WDR47: variants seen among roughly 807,000 people sequenced by gnomAD.
WDR47 encodes the protein WD repeat domain 47.
Under a neutral mutation model 97.2 loss-of-function variants are expected in WDR47, and 32 were observed. The ratio of observed to expected loss-of-function variants is 0.33; its 90% CI spans 0.25 to 0.44. The LOEUF (loss-of-function observed/expected upper bound fraction) is 0.44, where lower values mean the gene tolerates loss of function less well. Among genes scored for constraint, WDR47 ranks in the 20% least tolerant of loss-of-function variants. The pLI is 1.00. For synonymous variants in WDR47, 375 were observed against 373.5 expected, an observed-to-expected ratio of 1.00 and a Z score of -0.05; for missense variants, 782 against 1,102.3, an observed-to-expected ratio of 0.71 and a Z score of 4.11.
chr1:109,024,715 G>A (rs1241272033), intron 1 of WDR47: 1 of 152,430 alleles, frequency 6.6e-6, no homozygotes, highest in South Asian at 2.1e-4. Flanking sequence ...TCAGAGCAAT[G>A]CAAAATACCA....
intron 1 of WDR47, among the ~76,000 whole-genome samples, chr1:109,038,671 C>T (rs1470582470): frequency 6.8e-6 from 1 of 145,998 alleles, no homozygotes; most frequent in East Asian, 2.1e-4. Flanking sequence ...AAAGTGAGAC[C>T]CTGTCTCAAA....
At chr1:108,985,984 A>G (rs72699296) in intron 10 of WDR47, among the ~76,000 whole-genome samples, 2,190 of 152,084 alleles carry the variant, frequency 0.014, 22 homozygotes, top group Middle Eastern at 0.027. Flanking sequence ...AGCAAAAAAA[A>G]AAAAAAAATG....
intron 7 of WDR47, among the ~76,000 whole-genome samples, chr1:108,996,274 C>G (rs934913149): frequency 6.6e-6 from 1 of 152,080 alleles, no homozygotes; most frequent in African/African-American, 2.4e-5. Flanking sequence ...TAGATTGGTC[C>G]TTAACTCCTG....
Position 108,991,060 on chromosome 1 carries a change from G to A in WDR47, c.1767+194C>T, listed in dbSNP as rs1199089617. Among the ~76,000 whole-genome samples the A allele has an allele frequency of 4.6e-5, 7 of 151,288 alleles. No homozygotes were observed. The East Asian group carries it at 7.8e-4, about 17-fold the overall frequency. ...GTTGCCCAGGTTGGAGTGGTGCAAC[G>A]GCTATCCACAGGTGCGATTCTAGTA... On this transcript the variant is annotated intron_variant, in intron 9 of 14. Coordinates refer to ENST00000369962, the MANE Select transcript of WDR47 (RefSeq NM_001142551.2).
chr1:109,000,495 C>A (rs112430387), intron 7 of WDR47, among the ~76,000 whole-genome samples: 2 of 100,268 alleles, frequency 2.0e-5, no homozygotes, highest in South Asian at 7.3e-4. Flanking sequence ...GGCGACAGAG[C>A]TAGACTCTGT....
chr1:109,037,328 T>C (rs1450040397), intron 1 of WDR47, among the ~76,000 whole-genome samples: 4 of 117,030 alleles, frequency 3.4e-5, no homozygotes, highest in Non-Finnish European at 6.9e-5. Flanking sequence ...AAACTCCGTC[T>C]AAAAAAAAAA....
At chr1:109,013,969 T>A in intron 3 of WDR47, 44 bp from the exon 4 acceptor site, 1 of 1,399,214 alleles carries the variant, frequency 7.1e-7, no homozygotes, top group Non-Finnish European at 1.0e-6. Flanking sequence ...ATGTCTGATG[T>A]CAAATATACT....
chr1:108,983,379 A>G lies in WDR47; in HGVS notation c.1998T>C (p.Cys666=), dbSNP rs1658499429. 6.2e-7 allele frequency: 1 copy of G among 1,613,014 alleles called. No individual in the cohort carries two copies. The highest frequency in any genetic ancestry group is 8.5e-7 in the Non-Finnish European group (1 of 1,179,532). The part of the protein sequence containing the change: ...RNKHHKGSIY[C]VAWSPCGQLL... ...ACTGCCCACAAGGACTCCAGGCCACACAGTAAATGGATCCTTTATGATGTT... is the reference window on the plus strand; with the variant it reads ...ACTGCCCACAAGGACTCCAGGCCACGCAGTAAATGGATCCTTTATGATGTT... The change falls in exon 11 of 15, where the codon TGT becomes TGC. Residue 666 remains cysteine, a synonymous_variant. Coordinates refer to ENST00000369962, the MANE Select transcript of WDR47 (RefSeq NM_001142551.2).
At position 109,041,961 on chromosome 1, in the gene WDR47, G is replaced by A. The variant is rs1237111331; in HGVS notation, c.-109C>T. 1 of 152,390 alleles carries A rather than the reference G, an allele frequency of 6.6e-6. No individual in the cohort carries two copies. Among genetic ancestry groups the A allele is most frequent in the Non-Finnish European group, 1.5e-5 (1 of 68,182 alleles). The allele number at this position is 152,390 out of a possible 1,614,324, so 9.4% of individuals were successfully genotyped here. A position where few individuals can be genotyped will look rare whatever the true frequency, so the allele number is the denominator to read the frequency against. ...AGCGGCCGGCTCCGGGCTGCGGCAG[G>A]AGCACGACGGCGGCGGTCTGGGTTT... On this transcript the variant is annotated 5_prime_UTR_variant, in exon 1 of 15. Coordinates refer to ENST00000369962, the MANE Select transcript of WDR47 (RefSeq NM_001142551.2).
At chr1:108,974,125 TAA>T (rs1657699821) in intron 14 of WDR47, among the ~76,000 whole-genome samples, 1 of 149,986 alleles carries the variant, frequency 6.7e-6, no homozygotes, top group African/African-American at 2.5e-5. Context: ...GCAGGGGAGA[TAA>T]GAGGATACAG....
At chr1:109,024,224 G>A (rs979676719) in intron 1 of WDR47, among the ~76,000 whole-genome samples, 1 of 152,200 alleles carries the variant, frequency 6.6e-6, no homozygotes, top group Non-Finnish European at 1.5e-5. Flanking sequence ...GGCCAAAGTG[G>A]AGGGACTGCT....
intron 6 of WDR47, 41 bp downstream of exon 6, chr1:109,004,551 A>C: frequency 6.4e-7 from 1 of 1,565,038 alleles, no homozygotes; most frequent in Non-Finnish European, 8.6e-7. Context: ...CTTCTTACAA[A>C]GAGAATAACT....
Position 108,982,188 on chromosome 1 carries a change from T to C in WDR47, c.2267-324A>G, listed in dbSNP as rs191192993. Among the ~76,000 whole-genome samples the C allele has an allele frequency of 1.4e-3, 208 of 152,212 alleles. 7 individuals are homozygous for C. Among genetic ancestry groups the C allele is most frequent in the Admixed American group, 0.013 (202 of 15,274 alleles). On this transcript the variant is annotated intron_variant, in intron 12 of 14. Transcript: ENST00000369962. The stretch of plus-strand genomic sequence containing the variant: ...ATAGAGATTTTTCACATTTATCAAA[T>C]AGATTGACAATTTTAAAAATAAAAT...
chr1:109,003,154 T>C (rs1275247423), intron 6 of WDR47, among the ~76,000 whole-genome samples: 2 of 152,214 alleles, frequency 1.3e-5, no homozygotes, highest in Non-Finnish European at 2.9e-5. Flanking sequence ...TATACATGTC[T>C]GTCAGGTCTA....
chr1:108,982,123 C>G (rs1212942515), intron 12 of WDR47, among the ~76,000 whole-genome samples: 1 of 152,028 alleles, frequency 6.6e-6, no homozygotes, highest in Non-Finnish European at 1.5e-5. Context: ...TCCTTATTTA[C>G]AGGGCAAGTG....
At chr1:108,991,534 G>C (rs959993428) in intron 8 of WDR47, among the ~76,000 whole-genome samples, 2 of 152,152 alleles carry the variant, frequency 1.3e-5, no homozygotes, top group African/African-American at 4.8e-5. Context: ...AGCCATTCTG[G>C]AAAGAAAATT....
At chr1:109,018,993 A>C (rs976905922) in intron 2 of WDR47, among the ~76,000 whole-genome samples, 2 of 152,002 alleles carry the variant, frequency 1.3e-5, no homozygotes, top group African/African-American at 4.8e-5. Context: ...CGCTTGAGTC[A>C]AGAAGGTCAT....
intron 8 of WDR47, among the ~76,000 whole-genome samples, chr1:108,995,091 C>A (rs1400370292): frequency 2.0e-5 from 3 of 152,164 alleles, no homozygotes; most frequent in African/African-American, 7.2e-5. Flanking sequence ...CACTTGTATA[C>A]TAATGATAGC....
intron 1 of WDR47, among the ~76,000 whole-genome samples, chr1:109,026,180 G>A (rs1241233370): frequency 6.6e-6 from 1 of 151,850 alleles, no homozygotes; most frequent in East Asian, 1.9e-4. Flanking sequence ...CCAAGTACCT[G>A]GGATGACAGG....
Sources: allele counts gnomAD v4.1 joint callset (sites outside exome capture counted in the v4.1 genomes callset), GRCh38; gene constraint gnomAD v4.1.1; transcripts MANE v1.5; gene names NCBI Gene and HGNC (gene_info 2026-07-23, HGNC 2026-07-21).